The following KCNH1 variants were observed in gnomAD, a reference collection of about 807,000 sequenced individuals.
KCNH1 encodes the protein voltage-gated delayed rectifier potassium channel KCNH1.
In KCNH1, 27 loss-of-function variants were observed where a neutral mutation model predicts 69.2. The ratio of observed to expected loss-of-function variants is 0.39; its 90% CI spans 0.29 to 0.54. The LOEUF is 0.54. Among genes scored for constraint, KCNH1 ranks in the 20% least tolerant of loss-of-function variants. KCNH1 has a pLI of 0.68. For synonymous variants in KCNH1, 456 were observed against 487.7 expected, an observed-to-expected ratio of 0.93 and a Z score of 0.86; for missense variants, 798 against 1,261.6, an observed-to-expected ratio of 0.63 and a Z score of 5.57.
At chr1:210,842,376 G>T (rs553498669) in intron 7 of KCNH1, among the ~76,000 whole-genome samples, 1 of 152,230 alleles carries the variant, frequency 6.6e-6, no homozygotes, top group South Asian at 2.1e-4. Context: ...GGTTTTTCTA[G>T]GTTGGCAGAT....
At chr1:210,858,159 A>C (rs758050302) in intron 7 of KCNH1, 4 of 152,196 alleles carry the variant, frequency 2.6e-5, no homozygotes, top group Non-Finnish European at 4.4e-5. Context: ...GATTGCATAT[A>C]TGGGTGTTTA....
At chr1:210,848,866 G>A (rs910284027) in intron 7 of KCNH1, among the ~76,000 whole-genome samples, 2 of 152,114 alleles carry the variant, frequency 1.3e-5, no homozygotes, top group African/African-American at 4.8e-5. Context: ...ATGTGTGGCA[G>A]AGCACATTAT....
chr1:211,117,084 G>A (rs1332115248), intron 1 of KCNH1, among the ~76,000 whole-genome samples: 1 of 152,178 alleles, frequency 6.6e-6, no homozygotes, highest in Admixed American at 6.5e-5. Context: ...TCACACTGGT[G>A]AGACCCTTTA....
intron 6 of KCNH1, among the ~76,000 whole-genome samples, chr1:210,994,936 T>G (rs1415847839): frequency 6.6e-6 from 1 of 152,238 alleles, no homozygotes; most frequent in Non-Finnish European, 1.5e-5. Context: ...TAGATTCTTA[T>G]GAGGAGTTCA....
At chr1:210,947,151 G>A (rs933875360) in intron 6 of KCNH1, among the ~76,000 whole-genome samples, 3 of 152,088 alleles carry the variant, frequency 2.0e-5, no homozygotes, top group Non-Finnish European at 4.4e-5. Context: ...AAATTAGATC[G>A]ACCTCTAAAG....
chr1:210,923,033 G>A (rs1296626303), intron 6 of KCNH1, among the ~76,000 whole-genome samples: 1 of 151,752 alleles, frequency 6.6e-6, no homozygotes, highest in East Asian at 1.9e-4. Context: ...AACCTAGTAT[G>A]TACTCTTTGT....
intron 6 of KCNH1, among the ~76,000 whole-genome samples, chr1:210,962,466 T>C (rs1267607073): frequency 6.6e-6 from 1 of 152,168 alleles, no homozygotes; most frequent in African/African-American, 2.4e-5. Context: ...TGTTATTTAG[T>C]TTTTATTGTT....
intron 7 of KCNH1, among the ~76,000 whole-genome samples, chr1:210,882,091 G>A (rs938740581): frequency 3.9e-5 from 6 of 152,162 alleles, no homozygotes; most frequent in Non-Finnish European, 8.8e-5. Flanking sequence ...ACTCAGGTGG[G>A]GGATATTGAT....
At chr1:210,689,993 A>G (rs2149004453) in intron 10 of KCNH1, among the ~76,000 whole-genome samples, 1 of 152,306 alleles carries the variant, frequency 6.6e-6, no homozygotes, top group East Asian at 1.9e-4. Context: ...GTGCTCACAC[A>G]TGAGCATGGC....
intron 10 of KCNH1, among the ~76,000 whole-genome samples, chr1:210,734,298 A>G (rs1682818579): frequency 6.6e-6 from 1 of 152,030 alleles, no homozygotes; most frequent in Admixed American, 6.6e-5. Flanking sequence ...ACCTATTCCC[A>G]TCCAGCCCCC....
At chr1:211,087,613 ACAC>A (rs1690977890) in intron 4 of KCNH1, among the ~76,000 whole-genome samples, 1 of 95,866 alleles carries the variant, frequency 1.0e-5, no homozygotes, top group East Asian at 2.6e-4. Context: ...GCATACACAC[ACAC>A]ACACACACAC....
intron 6 of KCNH1, among the ~76,000 whole-genome samples, chr1:210,932,783 A>G (rs1687700420): frequency 6.6e-6 from 1 of 152,220 alleles, no homozygotes; most frequent in Non-Finnish European, 1.5e-5. Context: ...TATAATGAGC[A>G]AAGAATCAAT....
intron 1 of KCNH1, among the ~76,000 whole-genome samples, chr1:211,126,526 T>A (rs1571668087): frequency 1.5e-5 from 2 of 135,500 alleles, no homozygotes; most frequent in East Asian, 2.1e-4. Flanking sequence ...AAAAAAAAAA[T>A]TAGCTGGGTG....
intron 10 of KCNH1, among the ~76,000 whole-genome samples, chr1:210,737,359 C>A (rs1682904421): frequency 6.6e-6 from 1 of 152,108 alleles, no homozygotes; most frequent in Non-Finnish European, 1.5e-5. Context: ...TCTTCCAGTA[C>A]AAAAAATGTT....
intron 1 of KCNH1, among the ~76,000 whole-genome samples, chr1:211,130,705 C>T (rs919816156): frequency 3.3e-5 from 5 of 152,094 alleles, no homozygotes; most frequent in African/African-American, 1.2e-4. Context: ...GTTCCTTAAA[C>T]TCTAAAATGG....
intron 7 of KCNH1, chr1:210,859,065 T>C (rs1193750307): frequency 2.9e-6 from 2 of 690,732 alleles, no homozygotes; most frequent in Admixed American, 4.5e-5. Flanking sequence ...TTTCTGTCCA[T>C]CTACTGATCA....
intron 6 of KCNH1, among the ~76,000 whole-genome samples, chr1:210,998,702 AATATAC>A (rs1689104934): frequency 6.6e-6 from 1 of 152,222 alleles, no homozygotes; most frequent in Non-Finnish European, 1.5e-5. Flanking sequence ...AAATCAACAG[AATATAC>A]ATTCTTTTCA....
chr1:210,775,724 A>G (rs146483694), intron 9 of KCNH1, among the ~76,000 whole-genome samples, 180 bp from the exon 10 acceptor site: 18 of 152,334 alleles, frequency 1.2e-4, no homozygotes, highest in African/African-American at 4.3e-4. Context: ...GCAGTTTAAG[A>G]AATGTTAAAG....
At chr1:211,107,117 A>T in intron 2 of KCNH1, 137 bp downstream of exon 2, 1 of 883,352 alleles carries the variant, frequency 1.1e-6, no homozygotes, top group Admixed American at 2.1e-5. Context: ...CATGAACTAG[A>T]GATGATATGG....
Sources: gnomAD v4.1 joint callset for allele counts (sites outside exome capture counted in the v4.1 genomes callset) on GRCh38, gnomAD v4.1.1 for gene constraint, MANE v1.5 for transcripts, NCBI Gene and HGNC (gene_info 2026-07-23, HGNC 2026-07-21) for gene names.